Variants in CAST observed in about 807,000 individuals in gnomAD.
CAST encodes the protein calpastatin, also known as MIR583 host.
CAST carries 76 observed loss-of-function variants against 119.6 expected under a neutral mutation model. The ratio of observed to expected loss-of-function variants is 0.64; its 90% CI spans 0.53 to 0.77. The LOEUF is 0.77. Ranked by LOEUF, CAST falls within the 30% of genes least tolerant of loss-of-function variation. The pLI is 0.00. For synonymous variants in CAST, 319 were observed against 331.6 expected (o/e 0.96, Z 0.41); for missense variants, 953 against 946.5 (o/e 1.01, Z -0.09).
the CAST span, among the ~76,000 whole-genome samples, chr5:96,388,875 G>GTA: frequency 5.5e-4 from 83 of 151,586 alleles, no homozygotes; most frequent in Middle Eastern, 3.5e-3. Context: ...AACTATTTCT[G>GTA]TATATATATA....
the CAST span, among the ~76,000 whole-genome samples, chr5:96,105,296 T>G: frequency 3.3e-5 from 5 of 152,080 alleles, no homozygotes; most frequent in African/African-American, 9.7e-5. Context: ...GTGAGAGAGG[T>G]CATCCCTGTC....
intron 1 of CAST, among the ~76,000 whole-genome samples, chr5:96,646,617 TA>T (rs1266605024): frequency 6.6e-6 from 1 of 152,222 alleles, no homozygotes; most frequent in Non-Finnish European, 1.5e-5. Context: ...TTCCTGGAAT[TA>T]AAATATTAAA....
the CAST span, among the ~76,000 whole-genome samples, chr5:96,443,799 G>A: frequency 1.6e-4 from 25 of 152,112 alleles, no homozygotes; most frequent in Non-Finnish European, 2.8e-4. Context: ...TGCAAGTCAC[G>A]GACAGAGATT....
chr5:96,524,785 A>G (rs1745573341), upstream of CAST, among the ~76,000 whole-genome samples: 1 of 152,212 alleles, frequency 6.6e-6, no homozygotes, highest in African/African-American at 2.4e-5. Flanking sequence ...CACCACAGGC[A>G]GACAGAAGCT....
At chr5:96,559,987 G>T (rs1382602902) in intron 1 of CAST, among the ~76,000 whole-genome samples, 1 of 152,126 alleles carries the variant, frequency 6.6e-6, no homozygotes, top group Admixed American at 6.5e-5. Context: ...AAAACAGCAT[G>T]GTACTGGTAC....
At chr5:96,581,783 C>G (rs938671517) in intron 1 of CAST, among the ~76,000 whole-genome samples, 1 of 152,054 alleles carries the variant, frequency 6.6e-6, no homozygotes, top group Admixed American at 6.6e-5. Flanking sequence ...CCCAGCTACT[C>G]AGGAGGCTGA....
At chr5:96,340,788 G>C in the CAST span, among the ~76,000 whole-genome samples, 1 of 152,150 alleles carries the variant, frequency 6.6e-6, no homozygotes, top group Non-Finnish European at 1.5e-5. Context: ...ACAGTAAGCT[G>C]TAAGATTTGC....
At chr5:96,297,165 T>C in the CAST span, among the ~76,000 whole-genome samples, 2 of 152,206 alleles carry the variant, frequency 1.3e-5, no homozygotes, top group Admixed American at 1.3e-4. Context: ...ATTTTGTCAC[T>C]GATGTGTAGC....
chr5:95,990,233 A>G, the CAST span, among the ~76,000 whole-genome samples: 1 of 152,242 alleles, frequency 6.6e-6, no homozygotes, highest in East Asian at 1.9e-4. Context: ...AAAATATAGT[A>G]TCATGTCCAG....
At chr5:96,392,442 A>T in the CAST span, 1 of 154,448 alleles carries the variant, frequency 6.5e-6, no homozygotes, top group African/African-American at 2.4e-5. Flanking sequence ...GCTTTTGACC[A>T]ACATGACCAG....
chr5:96,743,264 C>T (rs561783663), intron 16 of CAST, among the ~76,000 whole-genome samples: 9 of 152,278 alleles, frequency 5.9e-5, no homozygotes, highest in South Asian at 2.1e-4. Context: ...GTGTTTATCC[C>T]GCCACACTCC....
chr5:96,319,423 T>C, the CAST span, among the ~76,000 whole-genome samples: 1 of 152,318 alleles, frequency 6.6e-6, no homozygotes, highest in South Asian at 2.1e-4. Flanking sequence ...TTGTCCAAGC[T>C]TGTACAGTTG....
At chr5:96,705,734 C>T (rs1173154827) in intron 3 of CAST, among the ~76,000 whole-genome samples, 1 of 151,988 alleles carries the variant, frequency 6.6e-6, no homozygotes, top group Non-Finnish European at 1.5e-5. Flanking sequence ...TTAATAGTAA[C>T]AGCTACATTT....
chr5:96,251,631 C>A, the CAST span, among the ~76,000 whole-genome samples: 53 of 152,102 alleles, frequency 3.5e-4, no homozygotes, highest in Non-Finnish European at 7.1e-4. Context: ...ATTGGTATAT[C>A]ACAGACATCA....
At chr5:96,540,541 A>G (rs1326970214) in intron 1 of CAST, among the ~76,000 whole-genome samples, 1 of 152,218 alleles carries the variant, frequency 6.6e-6, no homozygotes, top group East Asian at 1.9e-4. Context: ...TATTATTAAC[A>G]TCTTACTTTA....
At chr5:96,477,065 AACAC>A in the CAST span, among the ~76,000 whole-genome samples, 18,367 of 136,350 alleles carry the variant, frequency 0.13, 1,337 homozygotes, top group Non-Finnish European at 0.17. Flanking sequence ...AATGTGCCAA[AACAC>A]ACACACACAC....
At chr5:96,675,830 A>C in intron 2 of CAST, 2 of 419,476 alleles carry the variant, frequency 4.8e-6, no homozygotes, top group Non-Finnish European at 8.4e-6. Flanking sequence ...TTAGTAATAG[A>C]ACTTTGTTGC....
At chr5:96,342,775 C>T in the CAST span, among the ~76,000 whole-genome samples, 1 of 152,186 alleles carries the variant, frequency 6.6e-6, no homozygotes, top group Non-Finnish European at 1.5e-5. Flanking sequence ...ATTTGCACAT[C>T]TCTGAAAATG....
intron 1 of CAST, among the ~76,000 whole-genome samples, chr5:96,561,479 A>G (rs1033495141): frequency 2.0e-5 from 3 of 146,890 alleles, no homozygotes; most frequent in African/African-American, 7.5e-5. Flanking sequence ...AAAACCAAAC[A>G]CTCATGCTCT....
Sources: allele counts gnomAD v4.1 joint callset (sites outside exome capture counted in the v4.1 genomes callset), GRCh38; gene constraint gnomAD v4.1.1; transcripts MANE v1.5; gene names NCBI Gene and HGNC (gene_info 2026-07-23, HGNC 2026-07-21).